The following CLEC16A variants were observed in gnomAD, a reference collection of about 807,000 sequenced individuals.
The protein encoded by CLEC16A is protein CLEC16A.
In CLEC16A, 51 loss-of-function variants were observed where a neutral mutation model predicts 109.5. The observed-to-expected ratio is 0.47, with a 90% CI of 0.37 to 0.59. The LOEUF is 0.59. CLEC16A is among the 20% of genes least tolerant of loss of function. The probability of loss-of-function intolerance (pLI) is 0.00; values close to 1 mark genes in which losing one functional copy is unlikely to be tolerated. For missense variants in CLEC16A, 1,339 were observed against 1,394.0 expected, an observed-to-expected ratio of 0.96 and a Z score of 0.63; for synonymous variants, 673 against 564.2, an observed-to-expected ratio of 1.19 and a Z score of -2.73.
chr16:10,976,912 A>G (rs1203471976), intron 7 of CLEC16A, among the ~76,000 whole-genome samples: 1 of 152,228 alleles, frequency 6.6e-6, no homozygotes, highest in African/African-American at 2.4e-5. Flanking sequence ...AGTGCTGCTT[A>G]TCTGGGGAGC....
chr16:10,973,822 C>T (rs966154410), intron 7 of CLEC16A, among the ~76,000 whole-genome samples: 14 of 148,098 alleles, frequency 9.5e-5, no homozygotes, highest in African/African-American at 3.2e-4. Flanking sequence ...CCTCCTGTCT[C>T]GGCCTCCCAA....
chr16:11,052,033 T>C (rs980203468), intron 18 of CLEC16A, among the ~76,000 whole-genome samples: 3 of 152,148 alleles, frequency 2.0e-5, no homozygotes, highest in Non-Finnish European at 4.4e-5. Flanking sequence ...CCCCCAGAGA[T>C]AGTGCGATGT....
intron 22 of CLEC16A, among the ~76,000 whole-genome samples, chr16:11,144,419 G>T (rs555094895): frequency 9.3e-4 from 141 of 152,092 alleles, no homozygotes; most frequent in African/African-American, 3.3e-3. Context: ...AACTTCTGTG[G>T]GACAGCCAAC....
intron 22 of CLEC16A, among the ~76,000 whole-genome samples, chr16:11,146,997 A>T (rs35294447): frequency 0.33 from 50,159 of 151,834 alleles, 8,436 homozygotes; most frequent in South Asian, 0.45. Flanking sequence ...AGGGGATCTG[A>T]CCCAGACCAG....
In CLEC16A at chr16:11,020,286, G is replaced by A; in HGVS notation, c.1397G>A (p.Ser466Asn). 6.2e-7 allele frequency: 1 copy of A among 1,613,604 alleles called. No homozygotes were observed. The highest frequency in any genetic ancestry group is 8.5e-7 in the Non-Finnish European group (1 of 1,179,748). ...QEQNTTDEEK[S>N]AAATCSESTQ... ...CAGAACACCACGGACGAGGAGAAAA[G>A]CGCCGCCGCCACCTGCTCTGAGAGC... Residue 466 changes from serine (S) to asparagine (N), a missense_variant, in exon 12 of 24, where the codon AGC (serine) becomes AAC (asparagine). Physicochemically the swap from Ser to Asn is conservative, Grantham distance 46. This residue lies in a region of CLEC16A where 1,061 missense variants were observed against 1,006.8 expected (regional missense o/e 1.05). Coordinates refer to ENST00000409790, the MANE Select transcript of CLEC16A (RefSeq NM_015226.3).
chr16:11,095,306 C>T (rs750721743), intron 19 of CLEC16A, among the ~76,000 whole-genome samples: 14 of 152,316 alleles, frequency 9.2e-5, no homozygotes, highest in African/African-American at 2.2e-4. Flanking sequence ...GCAGGGGTCA[C>T]GGCTGGAAAG....
At chr16:11,066,914 C>G (rs1238088118) in intron 19 of CLEC16A, among the ~76,000 whole-genome samples, 1 of 151,872 alleles carries the variant, frequency 6.6e-6, no homozygotes, top group Non-Finnish European at 1.5e-5. Context: ...AGAAAAGCAT[C>G]AAAACAAAAA....
chr16:11,044,636 A>G (rs1195825992), intron 16 of CLEC16A, among the ~76,000 whole-genome samples: 1 of 152,196 alleles, frequency 6.6e-6, no homozygotes, highest in Non-Finnish European at 1.5e-5. Context: ...TGGTTTTATA[A>G]ATATCTAATT....
At chr16:11,162,973 C>T (rs553184148) in intron 22 of CLEC16A, among the ~76,000 whole-genome samples, 1 of 152,174 alleles carries the variant, frequency 6.6e-6, no homozygotes, top group Non-Finnish European at 1.5e-5. Context: ...CCAGGGAGAG[C>T]CAAGACTGTT....
At chr16:11,152,536 C>T (rs939764382) in intron 22 of CLEC16A, among the ~76,000 whole-genome samples, 1 of 152,224 alleles carries the variant, frequency 6.6e-6, no homozygotes, top group Non-Finnish European at 1.5e-5. Flanking sequence ...GTGGGTTGCA[C>T]CTGTCAGAGC....
chr16:10,974,052 C>T (rs1215410466), intron 7 of CLEC16A, among the ~76,000 whole-genome samples: 1 of 151,722 alleles, frequency 6.6e-6, no homozygotes, highest in Non-Finnish European at 1.5e-5. Flanking sequence ...GCATGCACCA[C>T]CACGCCTGGC....
intron 9 of CLEC16A, among the ~76,000 whole-genome samples, chr16:10,980,460 C>G (rs543368518): frequency 6.6e-6 from 1 of 152,000 alleles, no homozygotes; most frequent in African/African-American, 2.4e-5. Flanking sequence ...AGGACCCAAG[C>G]AAGCCAGTTC....
chr16:10,948,816 T>G (rs1596696990), intron 1 of CLEC16A, among the ~76,000 whole-genome samples: 1 of 152,326 alleles, frequency 6.6e-6, no homozygotes, highest in African/African-American at 2.4e-5. Context: ...TCTACCTTTT[T>G]CCTGTTGGTG....
At chr16:11,050,886 A>G (rs1403559270) in intron 17 of CLEC16A, among the ~76,000 whole-genome samples, 1 of 152,196 alleles carries the variant, frequency 6.6e-6, no homozygotes, top group African/African-American at 2.4e-5. Context: ...AAGGGGAAAC[A>G]TTGGTCCTAG....
At chr16:11,092,345 AAAAC>A (rs1351878657) in intron 19 of CLEC16A, among the ~76,000 whole-genome samples, 35 of 120,842 alleles carry the variant, frequency 2.9e-4, no homozygotes, top group East Asian at 2.4e-3. Context: ...CCTGTCTCAA[AAAAC>A]AAACAAAAAC....
chr16:11,169,646 T>C (rs1305495988), intron 23 of CLEC16A, among the ~76,000 whole-genome samples: 1 of 152,186 alleles, frequency 6.6e-6, no homozygotes, highest in Non-Finnish European at 1.5e-5. Flanking sequence ...AGATATGCCA[T>C]CCCCCAAGTG....
intron 19 of CLEC16A, among the ~76,000 whole-genome samples, chr16:11,109,407 G>T (rs1308043671): frequency 6.6e-6 from 1 of 152,070 alleles, no homozygotes; most frequent in African/African-American, 2.4e-5. Context: ...TCCCGCCTTG[G>T]CCTCCCAAAG....
chr16:11,108,216 C>G (rs1051668444), intron 19 of CLEC16A, among the ~76,000 whole-genome samples: 17 of 152,234 alleles, frequency 1.1e-4, no homozygotes, highest in African/African-American at 3.9e-4. Context: ...GAAAAGAGCC[C>G]AAGGGGCGGA....
chr16:11,042,612 T>C (rs2047400633), intron 15 of CLEC16A, among the ~76,000 whole-genome samples: 1 of 152,262 alleles, frequency 6.6e-6, no homozygotes, highest in African/African-American at 2.4e-5. Context: ...ATTATTTGAT[T>C]CTGTATTTGT....
Sources: gnomAD v4.1 joint callset for allele counts (sites outside exome capture counted in the v4.1 genomes callset) on GRCh38, gnomAD v4.1.1 for gene constraint, gnomAD v4.1.1 regional missense constraint, MANE v1.5 for transcripts, NCBI Gene and HGNC (gene_info 2026-07-23, HGNC 2026-07-21) for gene names.